The following NINJ2 variants were observed in gnomAD, a reference collection of about 807,000 sequenced individuals.
NINJ2 encodes ninjurin-2.
A neutral mutation model predicts 11.7 loss-of-function variants in NINJ2; 12 were observed. The observed-to-expected ratio is 1.02, with a 90% CI of 0.66 to 1.66. The LOEUF (loss-of-function observed/expected upper bound fraction) is 1.66. NINJ2 is among the 40% of genes most tolerant of loss of function. The probability of loss-of-function intolerance (pLI) is 0.00; values close to 1 mark genes in which losing one functional copy is unlikely to be tolerated. For missense variants in NINJ2, 187 were observed against 181.8 expected (o/e 1.03, Z -0.16); for synonymous variants, 93 against 76.8 (o/e 1.21, Z -1.10).
intron 1 of NINJ2, among the ~76,000 whole-genome samples, chr12:652,257 T>A (rs566552723): frequency 6.6e-6 from 1 of 152,172 alleles, no homozygotes; most frequent in African/African-American, 2.4e-5. Flanking sequence ...GAGAAGAAAG[T>A]GGAGTGAAAT....
intron 1 of NINJ2, among the ~76,000 whole-genome samples, chr12:650,665 C>T (rs1379777585): frequency 3.3e-5 from 5 of 152,144 alleles, no homozygotes; most frequent in African/African-American, 4.8e-5. Context: ...CGCCACTGCA[C>T]TCCAGCCTGG....
At chr12:611,231 C>CTT (rs201311105) in intron 1 of NINJ2, among the ~76,000 whole-genome samples, 8,950 of 92,510 alleles carry the variant, frequency 0.097, 395 homozygotes, top group Middle Eastern at 0.19. Flanking sequence ...CTTTCTTTTT[C>CTT]TTTCTTTCTT....
intron 1 of NINJ2, among the ~76,000 whole-genome samples, chr12:627,447 C>T (rs1044720298): frequency 1.3e-5 from 2 of 152,180 alleles, no homozygotes; most frequent in African/African-American, 4.8e-5. Flanking sequence ...GACAGTAAGA[C>T]TGATGTCAGC....
At chr12:608,899 C>G (rs1366394768) in intron 1 of NINJ2, among the ~76,000 whole-genome samples, 1 of 152,264 alleles carries the variant, frequency 6.6e-6, no homozygotes, top group Admixed American at 6.5e-5. Flanking sequence ...CACTGTCCCT[C>G]TCTGGGTCTC....
chr12:657,614 C>A (rs1342948063), intron 1 of NINJ2, among the ~76,000 whole-genome samples: 1 of 151,922 alleles, frequency 6.6e-6, no homozygotes, highest in African/African-American at 2.4e-5. Context: ...AAATAAGTAA[C>A]CCCACTAAAT....
chr12:659,580 T>C (rs1208872837), intron 1 of NINJ2, among the ~76,000 whole-genome samples: 1 of 152,136 alleles, frequency 6.6e-6, no homozygotes, highest in East Asian at 1.9e-4. Flanking sequence ...CCACAGGCCA[T>C]AGAACAGAAG....
chr12:576,231 G>A lies in NINJ2; in HGVS notation c.34-10053C>T, dbSNP rs553951037. ...TAAAGCTGCAGCACCGAGAGGCCACGTGGGGCGAGGCCTCCCCGGAAGGCC... is the reference window on the plus strand; with the variant it reads ...TAAAGCTGCAGCACCGAGAGGCCACATGGGGCGAGGCCTCCCCGGAAGGCC... On this transcript the variant is annotated intron_variant, in intron 1 of 3. Coordinates refer to ENST00000305108, the MANE Select transcript of NINJ2 (RefSeq NM_016533.6). Among the ~76,000 whole-genome samples the A allele has an allele frequency of 9.7e-4, 148 of 152,316 alleles. 1 individual carries two copies. The highest frequency in any genetic ancestry group is 2.6e-3 in the Admixed American group (40 of 15,306).
In NINJ2 at chr12:580,344, T is replaced by C. The variant is rs977277722; in HGVS notation, c.34-14166A>G. Among the ~76,000 whole-genome samples, 3 of 152,036 alleles carry C rather than the reference T, an allele frequency of 2.0e-5. No individual in the cohort carries two copies. The highest frequency in any genetic ancestry group is 7.2e-5 in the African/African-American group (3 of 41,394). ...GGCTCACACCTGTAATCCCAGCACT[T>C]TGGGAGGCCGAGGCAGGTGGATCAC... is the stretch of plus-strand genomic sequence containing the variant. On this transcript the variant is annotated intron_variant, in intron 1 of 3. Coordinates refer to ENST00000305108, the MANE Select transcript of NINJ2 (RefSeq NM_016533.6). The surrounding 1 kb of genome is among the most constrained non-coding windows in gnomAD (Gnocchi z 4.7).
chr12:597,768 T>C (rs1164714519), intron 1 of NINJ2, among the ~76,000 whole-genome samples: 1 of 152,204 alleles, frequency 6.6e-6, no homozygotes, highest in Non-Finnish European at 1.5e-5. Context: ...CCATTAACAA[T>C]GAACACCAAG....
At position 614,976 on chromosome 12, in the gene NINJ2, G is replaced by A. The variant is rs2120357233; in HGVS notation, c.33+48352C>T. Among the ~76,000 whole-genome samples the A allele has an allele frequency of 6.6e-6, 1 of 152,272 alleles. No homozygotes were observed. Among genetic ancestry groups the A allele is most frequent in the Non-Finnish European group, 1.5e-5 (1 of 68,012 alleles). ...TTAACTGCTTCCATTTAGCGCACAA[G>A]CCCACGTCCCTGACACCAGCCACAG... On this transcript the variant is annotated intron_variant, in intron 1 of 3. Coordinates refer to ENST00000305108, the MANE Select transcript of NINJ2 (RefSeq NM_016533.6). This position sits in a 1 kb window ranked among gnomAD's most constrained non-coding sequence, Gnocchi z 5.1.
chr12:587,078 A>C (rs1325954943), intron 1 of NINJ2, among the ~76,000 whole-genome samples: 3 of 152,218 alleles, frequency 2.0e-5, no homozygotes, highest in Non-Finnish European at 4.4e-5. Context: ...CCCCAAGCAC[A>C]GTTTCTTTTC....
intron 1 of NINJ2, among the ~76,000 whole-genome samples, chr12:597,837 G>A (rs991623058): frequency 1.3e-5 from 2 of 152,258 alleles, no homozygotes; most frequent in African/African-American, 2.4e-5. Context: ...AAGGTGTGGA[G>A]GGTCTGGGGC....
Position 585,491 on chromosome 12 carries a change from AGGGAAGGGAAGGGAACG to A in NINJ2, c.34-19330_34-19314del, listed in dbSNP as rs1947621117. Among the ~76,000 whole-genome samples the A allele has an allele frequency of 9.1e-5, 2 of 21,934 alleles. No individual in the cohort carries two copies. The highest frequency in any genetic ancestry group is 2.2e-4 in the Non-Finnish European group (2 of 9,004). The allele number at this position is 21,934 out of a possible 152,430, so 14.4% of individuals were successfully genotyped here. On this transcript the variant is annotated intron_variant, in intron 1 of 3. Transcript: ENST00000305108. The surrounding 1 kb of genome is among the most constrained non-coding windows in gnomAD (Gnocchi z 4.1). The stretch of plus-strand genomic sequence containing the variant: ...ACGGTTGGAGGAAGGGAACGGTTGG[AGGGAAGGGAAGGGAACG>A]GTTGGAGGGAAGGGAAGGGAACGGT...
rs111778018 is a variant in NINJ2, at chr12:662,409, C to CGAGAGAGAGAGAGA, written c.33+905_33+918dup. Among the ~76,000 whole-genome samples, 1,083 of 147,502 alleles carry CGAGAGAGAGAGAGA rather than the reference C, an allele frequency of 7.3e-3. 18 individuals carry two copies. The highest frequency in any genetic ancestry group is 0.024 in the African/African-American group (959 of 40,224). Reference sequence around the variant, plus strand: ...CCCTGCCCAAAACACACACAGAGAACGAGAGAGAGAGAGAGAGAGAGAGAC... The same window carrying CGAGAGAGAGAGAGA: ...CCCTGCCCAAAACACACACAGAGAACGAGAGAGAGAGAGAGAGAGAGAGAGAGAGAGAGAGAGAC... On this transcript the variant is annotated intron_variant, in intron 1 of 3. Coordinates refer to ENST00000305108, the MANE Select transcript of NINJ2 (RefSeq NM_016533.6).
At chr12:611,893 A>G (rs756759002) in intron 1 of NINJ2, among the ~76,000 whole-genome samples, 1 of 152,240 alleles carries the variant, frequency 6.6e-6, no homozygotes, top group African/African-American at 2.4e-5. Context: ...CTTGCAGGAT[A>G]GTAGAATATT....
At chr12:616,580 G>A (rs769824100) in intron 1 of NINJ2, among the ~76,000 whole-genome samples, 1 of 152,186 alleles carries the variant, frequency 6.6e-6, no homozygotes, top group African/African-American at 2.4e-5. Flanking sequence ...AGTGCTGCAG[G>A]TTGCAGGAAA....
At chr12:573,118 C>T (rs1187014434) in intron 1 of NINJ2, among the ~76,000 whole-genome samples, 8 of 145,390 alleles carry the variant, frequency 5.5e-5, no homozygotes, top group South Asian at 2.2e-4. Flanking sequence ...CTCCGCCTCC[C>T]GGGTTCACGC....
intron 1 of NINJ2, among the ~76,000 whole-genome samples, chr12:595,276 G>A (rs960461793): frequency 3.9e-5 from 6 of 152,288 alleles, no homozygotes; most frequent in Admixed American, 6.5e-5. Flanking sequence ...ATGATGTAAC[G>A]TAACATAGGA....
chr12:609,770 CAAA>C lies in NINJ2; in HGVS notation c.34-43595_34-43593del, dbSNP rs1185755822. ...TGGGCAACAGAGTGAGACTCTGCCT[CAAA>C]AAAAAAAAAAAAAATAGGGAAAACA... On this transcript the variant is annotated intron_variant, in intron 1 of 3. Coordinates refer to ENST00000305108, the MANE Select transcript of NINJ2 (RefSeq NM_016533.6). Among the ~76,000 whole-genome samples the C allele has an allele frequency of 7.9e-5, 7 of 88,806 alleles. No individual in the cohort carries two copies. In the South Asian group the frequency reaches 1.3e-3, roughly 16 times the overall value. The allele number at this position is 88,806 out of a possible 152,430, so 58.3% of individuals were successfully genotyped here. A position where few individuals can be genotyped will look rare whatever the true frequency, so the allele number is the denominator to read the frequency against.
Sources: gnomAD v4.1 joint callset for allele counts (sites outside exome capture counted in the v4.1 genomes callset) on GRCh38, gnomAD v4.1.1 for gene constraint, Gnocchi (gnomAD v3.1) non-coding constraint, MANE v1.5 for transcripts, NCBI Gene and HGNC (gene_info 2026-07-23, HGNC 2026-07-21) for gene names.